Variants in TYW1B observed in about 807,000 individuals in gnomAD.
TYW1B encodes S-adenosyl-L-methionine-dependent tRNA 4-demethylwyosine synthase TYW1B.
In TYW1B, 73 loss-of-function variants were observed where a neutral mutation model predicts 86.9. The observed-to-expected ratio is 0.84, with a 90% CI of 0.70 to 1.02. TYW1B has a LOEUF of 1.02. TYW1B is among the 50% of genes least tolerant of loss of function. The pLI is 0.00. For synonymous variants in TYW1B, 248 were observed against 292.8 expected (o/e 0.85, Z 1.56); for missense variants, 637 against 827.4 (o/e 0.77, Z 2.82).
At chr7:72,798,012 C>T (rs144963236) in intron 6 of TYW1B, among the ~76,000 whole-genome samples, 103,904 of 143,410 alleles carry the variant, frequency 0.72, 36,700 homozygotes, top group Middle Eastern at 0.78. Context: ...TATATATATA[C>T]ACACACACAC....
rs1786806226 is a variant in TYW1B at position 72,717,222 on chromosome 7, A to G, written c.1193-3424T>C. Among the ~76,000 whole-genome samples the G allele has an allele frequency of 2.0e-5, 3 of 150,944 alleles. No homozygotes were observed. In the Admixed American group the frequency reaches 2.0e-4, roughly 10 times the overall value. Reference sequence around the variant, plus strand: ...AGGCTGAGGCAGAAGAATCACTTGAACCCTGGAGGTGGAGGTTGCAGTGAG... The same window carrying G: ...AGGCTGAGGCAGAAGAATCACTTGAGCCCTGGAGGTGGAGGTTGCAGTGAG... On this transcript the variant is annotated intron_variant, in intron 9 of 13. Coordinates refer to ENST00000620995, the MANE Select transcript of TYW1B (RefSeq NM_001145440.3).
In TYW1B at chr7:72,694,741, G is replaced by A; in HGVS notation, c.1452C>T (p.Leu484=). The change falls in exon 11 of 14, where the codon CTC becomes CTT. Residue 484 remains leucine (L), a synonymous_variant. Transcript: ENST00000620995. Reference sequence around the variant, plus strand: ...GGAATTGCTGCCAGAAATCCTTGAAGAGTGGGCGGTCGATTTTCTTCAGGC... The same window carrying A: ...GGAATTGCTGCCAGAAATCCTTGAAAAGTGGGCGGTCGATTTTCTTCAGGC... ...KDSLKKIDRP[L]FKDFWQQFLD... is the part of the protein sequence containing the mutation. The A allele has an allele frequency of 6.2e-7, 1 of 1,613,926 alleles. No individual in the cohort carries two copies.
At chr7:72,578,499 A>T (rs1811077959) in intron 13 of TYW1B, among the ~76,000 whole-genome samples, 1 of 152,116 alleles carries the variant, frequency 6.6e-6, no homozygotes, top group Admixed American at 6.6e-5. Flanking sequence ...ACATGATGGG[A>T]TTTTGCTGCT....
chr7:72,636,963 G>A (rs1812682100), intron 11 of TYW1B, among the ~76,000 whole-genome samples: 1 of 152,100 alleles, frequency 6.6e-6, no homozygotes, highest in South Asian at 2.1e-4. Context: ...GATCACCTGA[G>A]GTTGGGAGTT....
chr7:72,648,514 G>A (rs577352961), intron 11 of TYW1B, among the ~76,000 whole-genome samples: 1 of 146,594 alleles, frequency 6.8e-6, no homozygotes, highest in Admixed American at 7.0e-5. Flanking sequence ...CTGTACTCCA[G>A]CCTGAGCGAC....
chr7:72,810,966 C>T (rs1788599741), intron 3 of TYW1B, among the ~76,000 whole-genome samples: 1 of 151,946 alleles, frequency 6.6e-6, no homozygotes, highest in Non-Finnish European at 1.5e-5. Flanking sequence ...GAAACAAAAT[C>T]CAAATCAATC....
chr7:72,826,179 T>C (rs540173470), intron 2 of TYW1B, among the ~76,000 whole-genome samples: 1 of 152,320 alleles, frequency 6.6e-6, no homozygotes, highest in South Asian at 2.1e-4. Context: ...ACATAACCAT[T>C]TGTCATCAAA....
intron 6 of TYW1B, among the ~76,000 whole-genome samples, chr7:72,795,540 TG>T (rs1788290910): frequency 6.6e-6 from 1 of 152,200 alleles, no homozygotes; most frequent in Non-Finnish European, 1.5e-5. Flanking sequence ...GTATGTGTCT[TG>T]CTATACATCT....
chr7:72,611,521 G>A (rs1272112994), intron 13 of TYW1B, among the ~76,000 whole-genome samples: 10 of 152,028 alleles, frequency 6.6e-5, no homozygotes, highest in Non-Finnish European at 5.9e-5. Flanking sequence ...CTTTTCTCTC[G>A]TCTGCCACCA....
At chr7:72,683,654 A>G (rs1384555327) in intron 11 of TYW1B, among the ~76,000 whole-genome samples, 1 of 152,168 alleles carries the variant, frequency 6.6e-6, no homozygotes, top group Non-Finnish European at 1.5e-5. Context: ...ATACCATCAC[A>G]TTATTAAAGG....
chr7:72,743,901 A>AC (rs1563079211), intron 8 of TYW1B, among the ~76,000 whole-genome samples: 1 of 151,804 alleles, frequency 6.6e-6, no homozygotes, highest in East Asian at 1.9e-4. Context: ...AAGCACCACC[A>AC]CCCCCAAAAA....
At chr7:72,629,587 T>C (rs1420279253) in intron 11 of TYW1B, among the ~76,000 whole-genome samples, 1 of 152,114 alleles carries the variant, frequency 6.6e-6, no homozygotes, top group Admixed American at 6.6e-5. Flanking sequence ...CGCTCTGTTG[T>C]CCAGGCTGGA....
At chr7:72,812,447 C>A (rs1554478543) in intron 3 of TYW1B, among the ~76,000 whole-genome samples, 8 of 152,068 alleles carry the variant, frequency 5.3e-5, no homozygotes, top group Non-Finnish European at 1.0e-4. Flanking sequence ...GTCTTGATAG[C>A]CTGGTGTTTG....
chr7:72,700,372 C>T (rs1286125477), intron 10 of TYW1B, among the ~76,000 whole-genome samples: 2 of 151,680 alleles, frequency 1.3e-5, no homozygotes, highest in Non-Finnish European at 2.9e-5. Flanking sequence ...GACAGCGTTT[C>T]GCCACATTGG....
chr7:72,793,115 G>C (rs1554473846), intron 6 of TYW1B, among the ~76,000 whole-genome samples: 2 of 152,014 alleles, frequency 1.3e-5, no homozygotes, highest in Non-Finnish European at 2.9e-5. Flanking sequence ...AAGGCAGGTG[G>C]ATATCTTGAG....
chr7:72,702,584 A>G (rs1226865271), intron 10 of TYW1B, among the ~76,000 whole-genome samples: 3 of 151,862 alleles, frequency 2.0e-5, no homozygotes, highest in Non-Finnish European at 4.4e-5. Context: ...ATGGGGTTTC[A>G]CTATGTAGGT....
At chr7:72,585,661 G>A (rs782470390) in intron 13 of TYW1B, among the ~76,000 whole-genome samples, 24 of 152,096 alleles carry the variant, frequency 1.6e-4, no homozygotes, top group Non-Finnish European at 2.9e-5. Context: ...AAGATCTGAT[G>A]GTTTTACGAA....
chr7:72,802,939 T>C (rs1788428810), intron 5 of TYW1B, among the ~76,000 whole-genome samples: 1 of 152,046 alleles, frequency 6.6e-6, no homozygotes, highest in Non-Finnish European at 1.5e-5. Context: ...ATTCTTACTT[T>C]AAAAATAAAA....
At chr7:72,613,156 G>T (rs1441119210) in intron 13 of TYW1B, among the ~76,000 whole-genome samples, 1 of 152,098 alleles carries the variant, frequency 6.6e-6, no homozygotes, top group Non-Finnish European at 1.5e-5. Context: ...CAAATTGAAG[G>T]TGACTACAGA....
Sources: gnomAD v4.1 joint callset for allele counts (sites outside exome capture counted in the v4.1 genomes callset) on GRCh38, gnomAD v4.1.1 for gene constraint, MANE v1.5 for transcripts, NCBI Gene and HGNC (gene_info 2026-07-23, HGNC 2026-07-21) for gene names.